The following PPL variants were observed in gnomAD, a reference collection of about 807,000 sequenced individuals.
PPL encodes the protein 190 kDa paraneoplastic pemphigus antigen.
PPL carries 198 observed loss-of-function variants against 194.4 expected under a neutral mutation model. The observed-to-expected ratio is 1.02, with a 90% CI of 0.91 to 1.15. The LOEUF (loss-of-function observed/expected upper bound fraction) is 1.15. Ranked by LOEUF, PPL falls within the 50% of genes most tolerant of loss-of-function variation. The pLI is 0.00. For missense variants in PPL, 2,885 were observed against 2,294.8 expected, an observed-to-expected ratio of 1.26 and a Z score of -5.25; for synonymous variants, 1,220 against 972.4, an observed-to-expected ratio of 1.25 and a Z score of -4.74.
At chr16:4,900,001 C>G (rs1241331807) in intron 6 of PPL, among the ~76,000 whole-genome samples, 1 of 152,138 alleles carries the variant, frequency 6.6e-6, no homozygotes, top group Non-Finnish European at 1.5e-5. Context: ...GAGACAGGAA[C>G]ATGTAGGAGC....
chr16:4,886,279 C>G (rs2015319), intron 21 of PPL, among the ~76,000 whole-genome samples: 66,419 of 152,082 alleles, frequency 0.44, 17,882 homozygotes, highest in East Asian at 0.64. Context: ...TAAAATGAAA[C>G]CACGGTCTCC....
intron 11 of PPL, 25 bp downstream of exon 11, chr16:4,895,236 G>C: frequency 1.9e-6 from 3 of 1,588,966 alleles, no homozygotes; most frequent in Non-Finnish European, 2.6e-6. Context: ...GTAGTGATGT[G>C]AACAGAGGAG....
intron 1 of PPL, among the ~76,000 whole-genome samples, chr16:4,930,148 C>T (rs1328411775): frequency 1.3e-5 from 2 of 152,230 alleles, no homozygotes; most frequent in African/African-American, 4.8e-5. Context: ...TGGATACACA[C>T]ATCCCCGTCA....
chr16:4,913,205 C>T (rs574597695), intron 1 of PPL, among the ~76,000 whole-genome samples: 7 of 152,260 alleles, frequency 4.6e-5, no homozygotes, highest in Non-Finnish European at 7.3e-5. Context: ...TACTGCCCCC[C>T]GTCCCCCAGA....
At chr16:4,936,860 G>A in intron 1 of PPL, 124 bp downstream of exon 1, 2 of 985,436 alleles carry the variant, frequency 2.0e-6, no homozygotes, top group Non-Finnish European at 1.4e-6. Flanking sequence ...CCGCACTCCG[G>A]GTTCAGTTCC....
chr16:4,931,085 T>C (rs2939961), intron 1 of PPL, among the ~76,000 whole-genome samples: 151,319 of 152,282 alleles, frequency 0.99, 75,190 homozygotes, highest in East Asian at 1. Context: ...GGAAAGGGCC[T>C]GCGTGCAGTG....
intron 17 of PPL, 39 bp from the exon 18 acceptor site, chr16:4,890,373 C>T (rs374834103): frequency 1.9e-6 from 3 of 1,548,540 alleles, no homozygotes; most frequent in Non-Finnish European, 2.6e-6. Context: ...CCACAGCAAA[C>T]AGATGCCTCA....
intron 1 of PPL, among the ~76,000 whole-genome samples, chr16:4,914,520 C>G (rs1235727423): frequency 2.0e-5 from 3 of 152,178 alleles, no homozygotes; most frequent in Non-Finnish European, 2.9e-5. Flanking sequence ...TGTGGCAGAC[C>G]TGGATACACC....
intron 6 of PPL, among the ~76,000 whole-genome samples, chr16:4,900,540 A>G (rs1467071662): frequency 7.0e-6 from 1 of 143,754 alleles, no homozygotes. Context: ...CCTGGGCTCA[A>G]GCGATCCTCC....
In PPL at chr16:4,885,286, G is replaced by A. The variant is rs761315817; in HGVS notation, c.3369C>T (p.Asp1123=). 40 of 1,568,644 alleles carry A rather than the reference G, an allele frequency of 2.5e-5. No homozygotes were observed. Among genetic ancestry groups the A allele is most frequent in the African/African-American group, 1.6e-4 (10 of 64,474 alleles). Residue 1123 remains aspartate, a synonymous_variant, in exon 22 of 22, where the codon GAC becomes GAT. Coordinates refer to ENST00000345988, the MANE Select transcript of PPL (RefSeq NM_002705.5). The surrounding 1 kb of genome is among the most constrained non-coding windows in gnomAD (Gnocchi z 6.3). ...TVKEVLKVEK[D]AATEREVSDL... Reference sequence around the variant, plus strand: ...CGCTGACCTCCCTCTCGGTGGCCGCGTCCTTCTCCACCTTGAGCACCTCCT... The same window carrying A: ...CGCTGACCTCCCTCTCGGTGGCCGCATCCTTCTCCACCTTGAGCACCTCCT...
intron 1 of PPL, among the ~76,000 whole-genome samples, chr16:4,935,856 G>T (rs1174993602): frequency 6.6e-6 from 1 of 152,156 alleles, no homozygotes; most frequent in African/African-American, 2.4e-5. Flanking sequence ...CACAGTGGGG[G>T]CTCCCAGTGA....
chr16:4,889,241 GTTTTTTTTTTTTTTTTTTTT>G, intron 18 of PPL, among the ~76,000 whole-genome samples, 180 bp from the exon 19 acceptor site: 2 of 66,634 alleles, frequency 3.0e-5, no homozygotes, highest in South Asian at 1.2e-3. Flanking sequence ...TGTTGTTGTT[GTTTTTTTTTTTTTTTTTTTT>G]TTTTTTTTTT....
chr16:4,886,911 G>A (rs1042559669), intron 21 of PPL, among the ~76,000 whole-genome samples: 5 of 152,258 alleles, frequency 3.3e-5, no homozygotes, highest in African/African-American at 1.2e-4. Flanking sequence ...GAGCCACCAT[G>A]CCCAGCTGAA....
In PPL at chr16:4,891,925, C is replaced by G; in HGVS notation, c.1854G>C (p.Glu618Asp). 1 of 1,613,404 alleles carries G rather than the reference C, an allele frequency of 6.2e-7. No homozygotes were observed. The highest frequency in any genetic ancestry group is 8.5e-7 in the Non-Finnish European group (1 of 1,179,966). Reference sequence around the variant, plus strand: ...ACTCCCAGCTCTGCTGCAGGCTCTTCTCCAGGCGGTTGGCCACATCAACCC... The same window carrying G: ...ACTCCCAGCTCTGCTGCAGGCTCTTGTCCAGGCGGTTGGCCACATCAACCC... Reference protein sequence around the residue: ...QEKVDVANRLEKSLQQSWELL... With the variant: ...QEKVDVANRLDKSLQQSWELL... The change falls in exon 16 of 22, where the codon GAG becomes GAC. Residue 618 changes from glutamate to aspartate, a missense_variant. Physicochemically the swap from Glu to Asp is conservative, Grantham distance 45 (BLOSUM62 2). Coordinates refer to ENST00000345988, the MANE Select transcript of PPL (RefSeq NM_002705.5).
Position 4,882,999 on chromosome 16 carries a change from G to A in PPL, c.*385C>T. The A allele has an allele frequency of 4.1e-6, 1 of 242,714 alleles. No individual in the cohort carries two copies. The highest frequency in any genetic ancestry group is 8.1e-6 in the Non-Finnish European group (1 of 123,678). The allele number at this position is 242,714 out of a possible 1,614,324, so 15.0% of individuals were successfully genotyped here. ...CTTTGTGGGGCAGTGTCACTGTCTG[G>A]TGTGCCACCAGTACCCATGCTGCAA... On this transcript the variant is annotated 3_prime_UTR_variant, in exon 22 of 22. Coordinates refer to ENST00000345988, the MANE Select transcript of PPL (RefSeq NM_002705.5).
chr16:4,893,466 C>G, intron 13 of PPL, 75 bp downstream of exon 13: 1 of 1,594,228 alleles, frequency 6.3e-7, no homozygotes. Context: ...GCCGTCTCAT[C>G]CACAGCACAG....
chr16:4,887,239 A>C lies in PPL; in HGVS notation c.2515-12T>G, dbSNP rs1183765290. The C allele has an allele frequency of 1.9e-6, 3 of 1,603,754 alleles. No homozygotes were observed. The highest frequency in any genetic ancestry group is 2.6e-6 in the Non-Finnish European group (3 of 1,170,618). On this transcript the variant is annotated splice_polypyrimidine_tract_variant and intron_variant, in intron 20 of 21. Transcript: ENST00000345988. ...GCAAGTGCTGCTTCCTGCAGAGAAG[A>C]GGATTAGGAGAGCGGTCAACAAACA...
At chr16:4,887,076 T>A in intron 21 of PPL, 59 bp downstream of exon 21, 1 of 1,319,878 alleles carries the variant, frequency 7.6e-7, no homozygotes, top group Non-Finnish European at 1.1e-6. Flanking sequence ...TAAGACAGAG[T>A]CTGTATTTGT....
chr16:4,898,251 G>A (rs373342821), intron 8 of PPL, among the ~76,000 whole-genome samples: 9 of 152,134 alleles, frequency 5.9e-5, no homozygotes, highest in Admixed American at 1.3e-4. Context: ...GATGGTGTGC[G>A]CCTGTAGTCC....
Sources: gnomAD v4.1 joint callset for allele counts (sites outside exome capture counted in the v4.1 genomes callset) on GRCh38, gnomAD v4.1.1 for gene constraint, Gnocchi (gnomAD v3.1) non-coding constraint, MANE v1.5 for transcripts, NCBI Gene and HGNC (gene_info 2026-07-23, HGNC 2026-07-21) for gene names.